ARHGEF6: variants seen among roughly 807,000 people sequenced by gnomAD.
ARHGEF6 encodes the protein rho guanine nucleotide exchange factor 6.
A neutral mutation model predicts 70.3 loss-of-function variants in ARHGEF6; 9 were observed. The observed-to-expected ratio is 0.13, with a 90% CI of 0.08 to 0.22. The LOEUF (loss-of-function observed/expected upper bound fraction) is 0.22. Ranked by LOEUF, ARHGEF6 falls within the 10% of genes least tolerant of loss-of-function variation. ARHGEF6 has a pLI of 1.00. For synonymous variants in ARHGEF6, 201 were observed against 207.8 expected (o/e 0.97, Z 0.28); for missense variants, 470 against 563.0 (o/e 0.83, Z 1.67).
chrX:136,689,227 C>T (rs983102005), intron 10 of ARHGEF6, among the ~76,000 whole-genome samples: 8 of 112,104 alleles, frequency 7.1e-5, no homozygotes, highest in Non-Finnish European at 1.5e-4. Context: ...AAGTGTCTCA[C>T]CCAGTGGTGA....
At chrX:136,747,624 A>G (rs781657310) in intron 2 of ARHGEF6, 32 bp from the exon 3 acceptor site, 1 of 1,002,769 alleles carries the variant, frequency 1.0e-6, no homozygotes, top group South Asian at 1.9e-5. Context: ...ACCGTAAGAC[A>G]CTACAAGTAT....
chrX:136,778,382 C>T (rs966834948), intron 2 of ARHGEF6, among the ~76,000 whole-genome samples: 2 of 111,828 alleles, frequency 1.8e-5, no homozygotes, highest in African/African-American at 6.5e-5. Flanking sequence ...ATATAGAGTA[C>T]TTCTTCTGTC....
rs962097425 is a variant in ARHGEF6, at chrX:136,667,675, T to A, written c.*354A>T. 3 of 250,152 alleles carry A rather than the reference T, an allele frequency of 1.2e-5. No individual in the cohort carries two copies. The highest frequency in any genetic ancestry group is 2.2e-5 in the Non-Finnish European group (3 of 138,927). 20.6% of individuals were successfully genotyped at this position (250,152 alleles called of 1,213,427 possible). The stretch of plus-strand genomic sequence containing the variant: ...GGCAATGGCTGTTGCAGAGGCACTG[T>A]GAACTGAAGGCAATCTGAAGACCTT... On this transcript the variant is annotated 3_prime_UTR_variant, in exon 22 of 22. Coordinates refer to ENST00000250617, the MANE Select transcript of ARHGEF6 (RefSeq NM_004840.3).
At chrX:136,746,924 T>C (rs1330528750) in intron 3 of ARHGEF6, among the ~76,000 whole-genome samples, 3 of 111,898 alleles carry the variant, frequency 2.7e-5, no homozygotes, top group Non-Finnish European at 5.6e-5. Context: ...GTTGGTAAAA[T>C]ATACCAGGGA....
intron 12 of ARHGEF6, among the ~76,000 whole-genome samples, chrX:136,683,233 G>C (rs1226531060): frequency 1.8e-5 from 2 of 111,674 alleles, no homozygotes; most frequent in Non-Finnish European, 3.8e-5. Context: ...AGATGAAGGG[G>C]TTTTCAGGTG....
chrX:136,769,422 A>T (rs1300874937), intron 2 of ARHGEF6, among the ~76,000 whole-genome samples: 9 of 111,368 alleles, frequency 8.1e-5, no homozygotes, highest in Admixed American at 5.8e-4. Context: ...AAAATAAATA[A>T]AAATAAATAA....
chrX:136,779,725 C>T (rs1331410882), intron 1 of ARHGEF6, among the ~76,000 whole-genome samples: 1 of 111,812 alleles, frequency 8.9e-6, no homozygotes, highest in African/African-American at 3.3e-5. Flanking sequence ...TGTCTACTTA[C>T]AAGCTTTCTC....
intron 5 of ARHGEF6, among the ~76,000 whole-genome samples, chrX:136,742,481 C>T (rs755360345): frequency 1.7e-3 from 188 of 111,904 alleles, no homozygotes; most frequent in Non-Finnish European, 3.0e-3. Context: ...GCTGAGCTAA[C>T]CACTCAAAAG....
intron 15 of ARHGEF6, 104 bp from the exon 16 acceptor site, chrX:136,679,764 CCATAG>C: frequency 9.7e-7 from 1 of 1,027,973 alleles, no homozygotes; most frequent in East Asian, 3.0e-5. Flanking sequence ...GCAAAGACAG[CCATAG>C]AAAGGGATAG....
chrX:136,677,353 T>C lies in ARHGEF6; in HGVS notation c.1851+583A>G, dbSNP rs776505101. 6.2e-5 allele frequency among the ~76,000 whole-genome samples: 7 copies of C among 112,199 alleles called. No individual in the cohort carries two copies. In the East Asian group the frequency reaches 1.9e-3, roughly 31 times the overall value. ...ACAGCCAAACTTAACTATCCATATA[T>C]AAAGCCATGTATTTAACTAGTAGAC... On this transcript the variant is annotated intron_variant, in intron 17 of 21. Transcript: ENST00000250617.
chrX:136,769,610 G>A (rs2077349648), intron 2 of ARHGEF6, among the ~76,000 whole-genome samples: 1 of 111,049 alleles, frequency 9.0e-6, no homozygotes, highest in Non-Finnish European at 1.9e-5. Context: ...AGTCGGTCAT[G>A]TAGTTGTAGC....
intron 9 of ARHGEF6, among the ~76,000 whole-genome samples, chrX:136,702,911 C>T (rs2076589888): frequency 9.0e-6 from 1 of 111,681 alleles, no homozygotes; most frequent in African/African-American, 3.3e-5. Flanking sequence ...CATTCAACAA[C>T]AGTCACACTT....
At chrX:136,730,802 T>G (rs1264594200) in intron 6 of ARHGEF6, among the ~76,000 whole-genome samples, 1 of 111,362 alleles carries the variant, frequency 9.0e-6, no homozygotes, top group Non-Finnish European at 1.9e-5. Context: ...ATATATAGGA[T>G]TGATATAAAT....
intron 9 of ARHGEF6, among the ~76,000 whole-genome samples, chrX:136,696,397 A>G (rs755572748): frequency 1.8e-5 from 2 of 110,985 alleles, no homozygotes; most frequent in Non-Finnish European, 3.8e-5. Context: ...AGGATCACTT[A>G]AGCCCAGGAG....
intron 20 of ARHGEF6, among the ~76,000 whole-genome samples, chrX:136,670,541 G>C (rs2076214221): frequency 9.0e-6 from 1 of 111,247 alleles, no homozygotes; most frequent in South Asian, 3.8e-4. Context: ...CCTGAGATTT[G>C]GTACCCTTTG....
chrX:136,674,876 C>T, intron 19 of ARHGEF6, 131 bp downstream of exon 19: 1 of 580,413 alleles, frequency 1.7e-6, no homozygotes, highest in Non-Finnish European at 2.9e-6. Flanking sequence ...TCCTGCACCA[C>T]TCCTCTGCAC....
intron 16 of ARHGEF6, among the ~76,000 whole-genome samples, chrX:136,679,053 A>C (rs1371553927): frequency 4.5e-5 from 5 of 112,191 alleles, no homozygotes; most frequent in Admixed American, 1.9e-4. Context: ...GCTTTCATCA[A>C]ATTCTTTTCT....
chrX:136,744,364 T>C (rs1472949621), intron 4 of ARHGEF6, among the ~76,000 whole-genome samples: 1 of 112,369 alleles, frequency 8.9e-6, no homozygotes. Context: ...TTTTATTACA[T>C]GGATATATTA....
chrX:136,718,619 A>G (rs1450415338), intron 6 of ARHGEF6, among the ~76,000 whole-genome samples: 1 of 111,775 alleles, frequency 8.9e-6, no homozygotes, highest in African/African-American at 3.2e-5. Flanking sequence ...AATAATTTAT[A>G]CAAATTTCTT....
Sources: gnomAD v4.1 joint callset for allele counts (sites outside exome capture counted in the v4.1 genomes callset) on GRCh38, gnomAD v4.1.1 for gene constraint, MANE v1.5 for transcripts, NCBI Gene and HGNC (gene_info 2026-07-23, HGNC 2026-07-21) for gene names.